NAALADL2: variants seen among roughly 807,000 people sequenced by gnomAD.
NAALADL2 encodes N-acetylated alpha-linked acidic dipeptidase like 2.
A neutral mutation model predicts 87.2 loss-of-function variants in NAALADL2; 76 were observed. That is an observed-to-expected ratio of 0.87 (90% CI 0.72 to 1.05). The LOEUF (loss-of-function observed/expected upper bound fraction) is 1.05, where lower values mean the gene tolerates loss of function less well. Among genes scored for constraint, NAALADL2 ranks in the 50% least tolerant of loss-of-function variants. The pLI, the probability that NAALADL2 is intolerant of heterozygous loss-of-function variation, is 0.00. For synonymous variants in NAALADL2, 354 were observed against 331.0 expected (o/e 1.07, Z -0.75); for missense variants, 1,089 against 945.8 (o/e 1.15, Z -1.99).
chr3:174,711,121 T>C (rs1730583700), intron 2 of NAALADL2, among the ~76,000 whole-genome samples: 1 of 152,198 alleles, frequency 6.6e-6, no homozygotes, highest in South Asian at 2.1e-4. Flanking sequence ...AAACTGGCTG[T>C]AGGAACTCTG....
At chr3:175,550,807 A>G (rs1267084794) in intron 9 of NAALADL2, among the ~76,000 whole-genome samples, 1 of 152,228 alleles carries the variant, frequency 6.6e-6, no homozygotes, top group African/African-American at 2.4e-5. Context: ...CTTTCTGTGT[A>G]TCAGGAATCT....
intron 1 of NAALADL2, among the ~76,000 whole-genome samples, chr3:174,894,758 G>A (rs1731301648): frequency 6.6e-6 from 1 of 151,666 alleles, no homozygotes; most frequent in South Asian, 2.1e-4. Flanking sequence ...TCAGCACATG[G>A]ATTATTCTCA....
In NAALADL2 at chr3:175,133,167, C is replaced by G. The variant is rs62287724; in HGVS notation, c.545+35876C>G. Among the ~76,000 whole-genome samples, 1,298 of 144,878 alleles carry G rather than the reference C, an allele frequency of 9.0e-3. 20 individuals carry two copies. The highest frequency in any genetic ancestry group is 0.031 in the African/African-American group (1,242 of 39,478). ...CTCCTCACTTCCTAGATGGGATGGCCGCCGGGAAGAGGCGCTCCTCACTTC... is the reference window on the plus strand; with the variant it reads ...CTCCTCACTTCCTAGATGGGATGGCGGCCGGGAAGAGGCGCTCCTCACTTC... On this transcript the variant is annotated intron_variant, in intron 2 of 13. Coordinates refer to ENST00000454872, the MANE Select transcript of NAALADL2 (RefSeq NM_207015.3).
chr3:175,715,068 C>A (rs1407096562), intron 11 of NAALADL2, among the ~76,000 whole-genome samples: 1 of 152,138 alleles, frequency 6.6e-6, no homozygotes, highest in Non-Finnish European at 1.5e-5. Context: ...CCCTAATATT[C>A]TTTACATTAC....
chr3:175,748,394 G>A (rs1273583496), intron 12 of NAALADL2, among the ~76,000 whole-genome samples: 1 of 152,176 alleles, frequency 6.6e-6, no homozygotes, highest in Non-Finnish European at 1.5e-5. Context: ...ACCACAAGGT[G>A]TTTTTAAGAT....
At chr3:175,353,802 T>G (rs1275349416) in intron 5 of NAALADL2, among the ~76,000 whole-genome samples, 4 of 152,224 alleles carry the variant, frequency 2.6e-5, no homozygotes, top group Non-Finnish European at 4.4e-5. Context: ...TCACACTGTT[T>G]AGTGGATAAA....
At chr3:175,196,100 G>A (rs1439955088) in intron 2 of NAALADL2, among the ~76,000 whole-genome samples, 1 of 151,888 alleles carries the variant, frequency 6.6e-6, no homozygotes, top group Admixed American at 6.6e-5. Flanking sequence ...TGACTTCACA[G>A]TCAACGTGTT....
At chr3:174,838,021 G>GAAA (rs77681462) in intron 3 of NAALADL2, among the ~76,000 whole-genome samples, 11 of 71,922 alleles carry the variant, frequency 1.5e-4, no homozygotes, top group Admixed American at 3.3e-4. Context: ...AACCAAAAAA[G>GAAA]AAAAAAAAAA....
intron 11 of NAALADL2, among the ~76,000 whole-genome samples, chr3:175,677,331 C>T (rs985064964): frequency 1.3e-5 from 2 of 151,606 alleles, no homozygotes; most frequent in Non-Finnish European, 2.9e-5. Context: ...CCCTTGCACT[C>T]CAGCCTGGCA....
intron 9 of NAALADL2, among the ~76,000 whole-genome samples, chr3:175,532,885 C>A (rs1211893069): frequency 2.0e-5 from 3 of 152,202 alleles, no homozygotes; most frequent in African/African-American, 7.2e-5. Flanking sequence ...TTTCACAAGG[C>A]ATTGGTCAAG....
intron 11 of NAALADL2, among the ~76,000 whole-genome samples, chr3:175,696,661 C>A (rs1737836975): frequency 6.6e-6 from 1 of 152,034 alleles, no homozygotes; most frequent in South Asian, 2.1e-4. Context: ...TGAAAAGATT[C>A]TTGGTTCAAG....
At chr3:175,745,672 G>T (rs1370544705) in intron 12 of NAALADL2, among the ~76,000 whole-genome samples, 1 of 152,130 alleles carries the variant, frequency 6.6e-6, no homozygotes, top group South Asian at 2.1e-4. Flanking sequence ...GTTGCTAACT[G>T]TATGTCCAAA....
At chr3:174,830,588 C>T (rs1339725626) in intron 3 of NAALADL2, among the ~76,000 whole-genome samples, 69 of 151,778 alleles carry the variant, frequency 4.5e-4, no homozygotes, top group African/African-American at 1.1e-3. Flanking sequence ...ATTGACTTGG[C>T]GATGCGGGCT....
chr3:175,462,032 C>T (rs888142482), intron 6 of NAALADL2, among the ~76,000 whole-genome samples: 2 of 152,088 alleles, frequency 1.3e-5, no homozygotes, highest in African/African-American at 4.8e-5. Flanking sequence ...GATGGATATA[C>T]ACCATTATGC....
intron 13 of NAALADL2, among the ~76,000 whole-genome samples, chr3:175,755,907 G>T (rs754973245): frequency 4.0e-4 from 61 of 152,172 alleles, no homozygotes; most frequent in Non-Finnish European, 8.1e-4. Context: ...GGCTTGTTTG[G>T]TTGGAGAGTC....
intron 5 of NAALADL2, among the ~76,000 whole-genome samples, chr3:175,342,868 CTT>C (rs1187682186): frequency 1.3e-3 from 204 of 152,160 alleles, no homozygotes; most frequent in Non-Finnish European, 1.3e-4. Context: ...GAAGCTGTGA[CTT>C]ATACTTTAAT....
At chr3:174,500,988 C>A (rs976338574) in intron 1 of NAALADL2, among the ~76,000 whole-genome samples, 2 of 151,548 alleles carry the variant, frequency 1.3e-5, no homozygotes, top group African/African-American at 4.9e-5. Flanking sequence ...TTCCGAGTAG[C>A]TGGGATTATA....
At chr3:175,441,880 A>T (rs1272323542) in intron 5 of NAALADL2, among the ~76,000 whole-genome samples, 1 of 152,056 alleles carries the variant, frequency 6.6e-6, no homozygotes, top group African/African-American at 2.4e-5. Context: ...TCATCTCTGA[A>T]GGTTTATCTT....
chr3:175,322,939 G>A (rs1241901932), intron 4 of NAALADL2, among the ~76,000 whole-genome samples: 143 of 151,428 alleles, frequency 9.4e-4, no homozygotes, highest in South Asian at 5.0e-3. Context: ...GCGATTCCTC[G>A]GGGATCTAGA....
Sources: gnomAD v4.1 joint callset for allele counts (sites outside exome capture counted in the v4.1 genomes callset) on GRCh38, gnomAD v4.1.1 for gene constraint, MANE v1.5 for transcripts, NCBI Gene and HGNC (gene_info 2026-07-23, HGNC 2026-07-21) for gene names.